Variants in CRIM1 observed in about 807,000 individuals in gnomAD.
CRIM1 encodes cysteine-rich motor neuron 1 protein.
In CRIM1, 32 loss-of-function variants were observed where a neutral mutation model predicts 116.4. That is an observed-to-expected ratio of 0.27 (90% CI 0.21 to 0.37). The LOEUF (loss-of-function observed/expected upper bound fraction) is 0.37. Among genes scored for constraint, CRIM1 ranks in the 10% least tolerant of loss-of-function variants. The probability of loss-of-function intolerance (pLI) is 1.00; values close to 1 mark genes in which losing one functional copy is unlikely to be tolerated. For synonymous variants in CRIM1, 590 were observed against 509.2 expected, an observed-to-expected ratio of 1.16 and a Z score of -2.13; for missense variants, 1,331 against 1,354.8, an observed-to-expected ratio of 0.98 and a Z score of 0.28.
intron 1 of CRIM1, among the ~76,000 whole-genome samples, chr2:36,362,796 C>G (rs13388563): frequency 4.6e-5 from 7 of 152,160 alleles, no homozygotes; most frequent in Admixed American, 4.6e-4. Flanking sequence ...AACCTATTTT[C>G]CTTTGTTAGT....
At chr2:36,542,213 T>TG (rs1302021242) in intron 14 of CRIM1, among the ~76,000 whole-genome samples, 1 of 152,196 alleles carries the variant, frequency 6.6e-6, no homozygotes, top group Non-Finnish European at 1.5e-5. Context: ...GAGAGACCCA[T>TG]GGGGGCCAGG....
intron 6 of CRIM1, 76 bp from the exon 7 acceptor site, chr2:36,479,421 A>C: frequency 6.8e-7 from 1 of 1,468,994 alleles, no homozygotes; most frequent in Non-Finnish European, 9.5e-7. Context: ...ACCCAGGGAA[A>C]AAATGTCTCT....
chr2:36,402,360 G>A (rs1225541268), intron 2 of CRIM1, among the ~76,000 whole-genome samples: 3 of 151,340 alleles, frequency 2.0e-5, no homozygotes, highest in Non-Finnish European at 2.9e-5. Flanking sequence ...CCATATGGAC[G>A]GAACAGCAAC....
At chr2:36,426,182 G>A (rs560537033) in intron 2 of CRIM1, among the ~76,000 whole-genome samples, 2 of 151,884 alleles carry the variant, frequency 1.3e-5, no homozygotes, top group Middle Eastern at 6.8e-3. Flanking sequence ...TTGAATCTCT[G>A]AAATGCATAG....
Position 36,548,589 on chromosome 2 carries a change from A to G in CRIM1, c.2999A>G (p.Asp1000Gly). ...DCKKGTRVQVDSSQRMLRIAE... is the reference protein window; with the variant it reads ...DCKKGTRVQVGSSQRMLRIAE... ...AAGAAAGGAACCAGAGTCCAGGTGG[A>G]CAGTTCCCAGAGAATGCTAAGAATT... The change falls in exon 17 of 17, where the codon GAC (aspartate) becomes GGC (glycine). Residue 1000 changes from aspartate (D) to glycine (G), a missense_variant. Coordinates refer to ENST00000280527, the MANE Select transcript of CRIM1 (RefSeq NM_016441.3). 1 of 1,612,292 alleles carries G rather than the reference A, an allele frequency of 6.2e-7. No homozygotes were observed.
chr2:36,522,390 A>C (rs1040406334), intron 13 of CRIM1, 77 bp downstream of exon 13: 16 of 1,183,122 alleles, frequency 1.4e-5, no homozygotes, highest in Middle Eastern at 1.9e-4. Context: ...TTGCTAGATC[A>C]ATTAATATTT....
chr2:36,516,841 G>A (rs1410300461), intron 11 of CRIM1, among the ~76,000 whole-genome samples: 1 of 152,218 alleles, frequency 6.6e-6, no homozygotes, highest in Non-Finnish European at 1.5e-5. Flanking sequence ...TTGGGTTGCA[G>A]TTTCCCTCGT....
intron 11 of CRIM1, among the ~76,000 whole-genome samples, chr2:36,515,282 G>A (rs1433966969): frequency 6.6e-6 from 1 of 152,210 alleles, no homozygotes; most frequent in Non-Finnish European, 1.5e-5. Flanking sequence ...CTGAAAATCA[G>A]TAGAACCAGA....
chr2:36,482,245 T>A lies in CRIM1; in HGVS notation c.1372+2551T>A, dbSNP rs76570274. On this transcript the variant is annotated intron_variant, in intron 7 of 16. Transcript: ENST00000280527. ...TTATCTTGCTTTTCTTGTTTTTGTT[T>A]TTAACTTAGTTGAGTAGTGAGTTTC... Among the ~76,000 whole-genome samples the A allele has an allele frequency of 3.0e-3, 461 of 152,358 alleles. 2 individuals are homozygous for A. The highest frequency in any genetic ancestry group is 0.011 in the African/African-American group (438 of 41,588).
chr2:36,439,018 C>G (rs923014942), intron 2 of CRIM1, among the ~76,000 whole-genome samples: 1 of 152,144 alleles, frequency 6.6e-6, no homozygotes, highest in Non-Finnish European at 1.5e-5. Context: ...GTTTTATTTT[C>G]CATTCTGCTT....
chr2:36,479,792 A>G (rs1171352242), intron 7 of CRIM1, 98 bp downstream of exon 7: 4 of 1,223,586 alleles, frequency 3.3e-6, no homozygotes, highest in Middle Eastern at 2.1e-4. Context: ...CTTGGGCATA[A>G]TGTCTGCTTC....
chr2:36,363,654 C>T (rs773729215), intron 1 of CRIM1, among the ~76,000 whole-genome samples: 1 of 150,754 alleles, frequency 6.6e-6, no homozygotes, highest in East Asian at 2.0e-4. Flanking sequence ...ATAAATGTAA[C>T]CATTTATCTG....
rs1363968402 is a variant in CRIM1 at position 36,479,396 on chromosome 2, C to T, written c.1175-101C>T. On this transcript the variant is annotated intron_variant, in intron 6 of 16. Transcript: ENST00000280527. The stretch of plus-strand genomic sequence containing the variant: ...TCTGTTGATCACAGTGGGAATAGAA[C>T]TGCTGATGACTAGAACCCAGGGAAA... 3.6e-6 allele frequency: 4 copies of T among 1,124,982 alleles called. No individual in the cohort carries two copies. The African/African-American group carries it at 4.6e-5, about 13-fold the overall frequency. 69.7% of individuals were successfully genotyped at this position (1,124,982 alleles called of 1,614,324 possible).
chr2:36,408,117 C>T (rs1407587243), intron 2 of CRIM1, among the ~76,000 whole-genome samples: 1 of 152,140 alleles, frequency 6.6e-6, no homozygotes, highest in Non-Finnish European at 1.5e-5. Context: ...ATAGAATGTA[C>T]TTACTATGTG....
intron 5 of CRIM1, among the ~76,000 whole-genome samples, chr2:36,475,068 T>G (rs995377534): frequency 1.3e-5 from 2 of 152,194 alleles, no homozygotes; most frequent in African/African-American, 4.8e-5. Flanking sequence ...TAAGATTGTT[T>G]TGGCAATTCT....
chr2:36,437,262 C>G (rs1292656863), intron 2 of CRIM1, among the ~76,000 whole-genome samples: 2 of 151,998 alleles, frequency 1.3e-5, no homozygotes, highest in Non-Finnish European at 2.9e-5. Flanking sequence ...GTAGTCCCAG[C>G]TACTCCGGAG....
chr2:36,522,213 C>G lies in CRIM1; in HGVS notation c.2328C>G (p.Ile776Met). 3 of 1,614,162 alleles carry G rather than the reference C, an allele frequency of 1.9e-6. No individual in the cohort carries two copies. The highest frequency in any genetic ancestry group is 2.5e-6 in the Non-Finnish European group (3 of 1,180,012). Residue 776 changes from isoleucine (I) to methionine (M), a missense_variant, in exon 13 of 17, where the codon ATC (isoleucine) becomes ATG (methionine). Around this residue, in one of 3 missense-constraint regions of CRIM1, gnomAD observed 358 missense variants for 436.1 expected, o/e 0.82. Transcript: ENST00000280527. ...AGCCTGACGTTTGTACCAGCTGCAT[C>G]TGCATTGATAGCGTAATTAGCTGTT... ...SWKPDVCTSC[I>M]CIDSVISCFS...
chr2:36,369,510 A>G (rs1044142333), intron 1 of CRIM1, among the ~76,000 whole-genome samples: 4 of 152,166 alleles, frequency 2.6e-5, no homozygotes, highest in African/African-American at 9.7e-5. Flanking sequence ...ATCCCTTCCA[A>G]TAACAGTGTC....
chr2:36,522,263 C>A lies in CRIM1; in HGVS notation c.2378C>A (p.Ser793Tyr), dbSNP rs1397225353. The A allele has an allele frequency of 6.2e-7, 1 of 1,614,140 alleles. No homozygotes were observed. Among genetic ancestry groups the A allele is most frequent in the Admixed American group, 1.7e-5 (1 of 60,024 alleles). Residue 793 changes from serine to tyrosine, a missense_variant, in exon 13 of 17, where the codon TCC becomes TAC. Ser to Tyr is a moderately radical substitution (Grantham distance 144). Transcript: ENST00000280527. ...TTCTCTGAGTCCTGCCCTTCTGTAT[C>A]CTGTGAAAGACCTGTCTTGAGAAAA... Reference protein sequence around the residue: ...SCFSESCPSVSCERPVLRKGQ... With the variant: ...SCFSESCPSVYCERPVLRKGQ...
Sources: allele counts gnomAD v4.1 joint callset (sites outside exome capture counted in the v4.1 genomes callset), GRCh38; gene constraint gnomAD v4.1.1; regional missense constraint gnomAD v4.1.1; transcripts MANE v1.5; gene names NCBI Gene and HGNC (gene_info 2026-07-23, HGNC 2026-07-21).